Variants in AHRR observed in about 807,000 individuals in gnomAD.
AHRR encodes the protein aryl hydrocarbon receptor repressor, also known as ahR repressor.
In AHRR, 28 loss-of-function variants were observed where a neutral mutation model predicts 44.0. The ratio of observed to expected loss-of-function variants is 0.64; its 90% confidence interval spans 0.47 to 0.87. The LOEUF (loss-of-function observed/expected upper bound fraction) is 0.87. AHRR is among the 40% of genes least tolerant of loss of function. AHRR has a pLI of 0.00. For synonymous variants in AHRR, 434 were observed against 407.0 expected (o/e 1.07, Z -0.80); for missense variants, 990 against 953.9 (o/e 1.04, Z -0.50).
rs1734054000 is a variant in AHRR at position 383,208 on chromosome 5, T to C, written c.351+6492T>C. ...CTGTCTTGATGACTGTTCACTGCACTGGGAAAATAGGGGTATTCCACTGTC... is the reference window on the plus strand; with the variant it reads ...CTGTCTTGATGACTGTTCACTGCACCGGGAAAATAGGGGTATTCCACTGTC... On this transcript the variant is annotated intron_variant, in intron 4 of 10. Transcript: ENST00000684583. This position sits in a 1 kb window ranked among gnomAD's most constrained non-coding sequence, Gnocchi z 4.0. Among the ~76,000 whole-genome samples, 1 of 152,266 alleles carries C rather than the reference T, an allele frequency of 6.6e-6. No individual in the cohort carries two copies. Among genetic ancestry groups the C allele is most frequent in the African/African-American group, 2.4e-5 (1 of 41,470 alleles).
chr5:422,483 G>T (rs1389857133), intron 5 of AHRR: 2 of 526,714 alleles, frequency 3.8e-6, no homozygotes, highest in African/African-American at 1.9e-5. Flanking sequence ...CGCTTGCCCC[G>T]AAAGGCTGGA....
intron 4 of AHRR, among the ~76,000 whole-genome samples, chr5:403,524 T>A (rs1227299604): frequency 6.6e-6 from 1 of 151,578 alleles, no homozygotes; most frequent in African/African-American, 2.4e-5. Context: ...TAATCCCAGC[T>A]ACTCGGGAGG....
chr5:343,746 G>C, intron 1 of AHRR, 147 bp from the exon 2 acceptor site: 1 of 730,852 alleles, frequency 1.4e-6, no homozygotes, highest in Non-Finnish European at 2.1e-6. Context: ...CGGGCCAGGG[G>C]GTCCCACGAG....
At chr5:367,054 A>G (rs1743383168) in intron 3 of AHRR, among the ~76,000 whole-genome samples, 1 of 152,262 alleles carries the variant, frequency 6.6e-6, no homozygotes, top group African/African-American at 2.4e-5. Context: ...GGTGCTTTAT[A>G]TGATTCTTAT....
intron 4 of AHRR, among the ~76,000 whole-genome samples, chr5:396,257 A>G (rs1734701836): frequency 6.6e-6 from 1 of 152,078 alleles, no homozygotes; most frequent in African/African-American, 2.4e-5. Flanking sequence ...CAGGGGAGGC[A>G]TGGGGGCTGG....
At chr5:341,213 C>G (rs1022955710) in intron 1 of AHRR, among the ~76,000 whole-genome samples, 1 of 151,902 alleles carries the variant, frequency 6.6e-6, no homozygotes, top group Non-Finnish European at 1.5e-5. Context: ...CGGGGTTTCA[C>G]CATATTGGTC....
At chr5:390,688 C>A (rs563864475) in intron 4 of AHRR, among the ~76,000 whole-genome samples, 1 of 152,132 alleles carries the variant, frequency 6.6e-6, no homozygotes, top group South Asian at 2.1e-4. Context: ...TCCCAGAGCC[C>A]AGGGCATGAG....
intron 5 of AHRR, among the ~76,000 whole-genome samples, chr5:417,242 G>A (rs941310037): frequency 2.7e-5 from 4 of 146,852 alleles, no homozygotes; most frequent in East Asian, 4.0e-4. Flanking sequence ...TAGAGAAGGC[G>A]GCTTGGTCTG....
intron 5 of AHRR, among the ~76,000 whole-genome samples, chr5:416,150 C>T (rs1290915797): frequency 6.6e-6 from 1 of 152,230 alleles, no homozygotes; most frequent in Non-Finnish European, 1.5e-5. Flanking sequence ...GTGGAGGACG[C>T]AGGGGGACAT....
At chr5:346,130 T>C (rs1742669140) in intron 2 of AHRR, among the ~76,000 whole-genome samples, 1 of 152,164 alleles carries the variant, frequency 6.6e-6, no homozygotes, top group African/African-American at 2.4e-5. Context: ...CTGCGCTGCT[T>C]GCGAACAAGC....
At chr5:402,220 A>G (rs548930030) in intron 4 of AHRR, among the ~76,000 whole-genome samples, 1 of 152,364 alleles carries the variant, frequency 6.6e-6, no homozygotes, top group Admixed American at 6.5e-5. Flanking sequence ...GGCACAGGGA[A>G]GTGCAAATGG....
chr5:367,987 T>G (rs1438326227), intron 3 of AHRR: 1 of 700,056 alleles, frequency 1.4e-6, no homozygotes, highest in Admixed American at 2.0e-5. Flanking sequence ...CCTGTAGTGA[T>G]GTGTGAGGAC....
chr5:382,809 G>A (rs1001562993), intron 4 of AHRR, among the ~76,000 whole-genome samples: 7 of 128,684 alleles, frequency 5.4e-5, no homozygotes, highest in Non-Finnish European at 9.9e-5. Flanking sequence ...ACTTGCTCTA[G>A]TTTTAAATAT....
chr5:409,857 A>AT (rs900952792), intron 4 of AHRR, among the ~76,000 whole-genome samples: 2 of 152,022 alleles, frequency 1.3e-5, no homozygotes, highest in African/African-American at 4.8e-5. Flanking sequence ...CCTCAGACTC[A>AT]TTAGGGCATT....
Position 388,449 on chromosome 5 carries a change from TC to T in AHRR, c.351+11734del, listed in dbSNP as rs1734261137. On this transcript the variant is annotated intron_variant, in intron 4 of 10. Coordinates refer to ENST00000684583, the MANE Select transcript of AHRR (RefSeq NM_001377236.1). The surrounding 1 kb of genome is among the most constrained non-coding windows in gnomAD (Gnocchi z 5.2). ...GAAACTGAGGTGCTGTGAGGTTGTA[TC>T]TGTCACACCCTTGTAAGGAGGGAGC... Among the ~76,000 whole-genome samples, 1 of 152,208 alleles carries T rather than the reference TC, an allele frequency of 6.6e-6. No individual in the cohort carries two copies. Among genetic ancestry groups the T allele is most frequent in the Admixed American group, 6.5e-5 (1 of 15,288 alleles).
At chr5:375,399 G>A (rs1031532058) in intron 3 of AHRR, among the ~76,000 whole-genome samples, 8 of 152,150 alleles carry the variant, frequency 5.3e-5, no homozygotes, top group Non-Finnish European at 8.8e-5. Flanking sequence ...CCAGTGGGGA[G>A]TGAGGGTGGT....
rs60229396 is a variant in AHRR, at chr5:344,714, G to GGT, written c.62+760_62+761dup. Among the ~76,000 whole-genome samples the GGT allele has an allele frequency of 2.3e-3, 16 of 7,086 alleles. 3 individuals carry two copies. The highest frequency in any genetic ancestry group is 3.2e-3 in the Admixed American group (3 of 936). 4.6% of individuals were successfully genotyped at this position (7,086 alleles called of 152,430 possible). A position where few individuals can be genotyped will look rare whatever the true frequency, so the allele number is the denominator to read the frequency against. The stretch of plus-strand genomic sequence containing the variant: ...TGAGGCTGTGGGGGGCTGTGTGTGG[G>GGT]GTGTGTGTGTGAGGCTGTGTGTGTG... On this transcript the variant is annotated intron_variant, in intron 2 of 10. Coordinates refer to ENST00000684583, the MANE Select transcript of AHRR (RefSeq NM_001377236.1).
intron 3 of AHRR, among the ~76,000 whole-genome samples, chr5:363,852 C>T (rs1342089203): frequency 6.6e-6 from 1 of 152,220 alleles, no homozygotes; most frequent in African/African-American, 2.4e-5. Context: ...GAGCTTCTCT[C>T]ATCTTCAACA....
At chr5:369,628 G>T (rs1027625595) in intron 3 of AHRR, among the ~76,000 whole-genome samples, 3 of 152,214 alleles carry the variant, frequency 2.0e-5, no homozygotes, top group Non-Finnish European at 4.4e-5. Context: ...AGCTGTGCTT[G>T]TCCCACGCTC....
Sources: allele counts gnomAD v4.1 joint callset (sites outside exome capture counted in the v4.1 genomes callset), GRCh38; gene constraint gnomAD v4.1.1; non-coding constraint Gnocchi (gnomAD v3.1); transcripts MANE v1.5; gene names NCBI Gene and HGNC (gene_info 2026-07-23, HGNC 2026-07-21).